Variants in CFAP47 observed in about 807,000 individuals in gnomAD.
The protein encoded by CFAP47 is cilia and flagella associated protein 47.
CFAP47 carries 29 observed loss-of-function variants against 148.1 expected under a neutral mutation model. That is an observed-to-expected ratio of 0.20 (90% confidence interval 0.15 to 0.27). CFAP47 has a LOEUF of 0.27. Ranked by LOEUF, CFAP47 falls within the 10% of genes least tolerant of loss-of-function variation. The probability of loss-of-function intolerance (pLI) is 1.00; values close to 1 mark genes in which losing one functional copy is unlikely to be tolerated. For synonymous variants in CFAP47, 664 were observed against 577.3 expected, an observed-to-expected ratio of 1.15 and a Z score of -2.15; for missense variants, 1,872 against 1,697.5, an observed-to-expected ratio of 1.10 and a Z score of -1.81.
intron 29 of CFAP47, among the ~76,000 whole-genome samples, chrX:36,073,926 T>A (rs1442450922): frequency 8.9e-6 from 1 of 112,076 alleles, no homozygotes; most frequent in Non-Finnish European, 1.9e-5. Flanking sequence ...GTTGTTGGTG[T>A]GATATGTTCT....
At chrX:36,149,562 A>G (rs1360651395) in intron 37 of CFAP47, among the ~76,000 whole-genome samples, 1 of 109,062 alleles carries the variant, frequency 9.2e-6, no homozygotes, top group Non-Finnish European at 1.9e-5. Flanking sequence ...GTATGTATGT[A>G]TATAATTTAA....
At chrX:36,003,125 A>G (rs930204627) in intron 21 of CFAP47, among the ~76,000 whole-genome samples, 1 of 110,374 alleles carries the variant, frequency 9.1e-6, no homozygotes, top group Non-Finnish European at 1.9e-5. Flanking sequence ...TTCCTTTTAT[A>G]GTTTATTGAG....
At chrX:36,246,682 A>G (rs1389319941) in intron 48 of CFAP47, among the ~76,000 whole-genome samples, 26 of 111,685 alleles carry the variant, frequency 2.3e-4, no homozygotes, top group Admixed American at 2.1e-3. Flanking sequence ...TATGGGGATT[A>G]CAATTGAAGA....
chrX:36,175,508 C>G (rs1027042756), intron 39 of CFAP47, among the ~76,000 whole-genome samples: 1 of 111,559 alleles, frequency 9.0e-6, no homozygotes, highest in African/African-American at 3.3e-5. Context: ...TGTTAGTTTT[C>G]CTTCTAACAG....
intron 36 of CFAP47, among the ~76,000 whole-genome samples, chrX:36,146,039 A>G (rs932861340): frequency 4.3e-4 from 48 of 111,521 alleles, no homozygotes; most frequent in Non-Finnish European, 8.5e-4. Flanking sequence ...AAAAAAAAAG[A>G]CATAAAACTC....
rs767206226 is a variant in CFAP47 at position 35,919,942 on chromosome X, A to G, written c.143A>G (p.Lys48Arg). Residue 48 changes from lysine (K) to arginine (R), a missense_variant, in exon 1 of 64, where the codon AAG becomes AGG. Transcript: ENST00000378653. ...CTGCGGGTGATCCCGGCTGAGGTGAAGTTCCTGGACACGATGGCCGGGAGG... is the reference window on the plus strand; with the variant it reads ...CTGCGGGTGATCCCGGCTGAGGTGAGGTTCCTGGACACGATGGCCGGGAGG... The part of the protein sequence containing the change: ...MQLRVIPAEV[K>R]FLDTMAGRVY... 4.1e-6 allele frequency: 5 copies of G among 1,208,896 alleles called. No homozygotes were observed. The East Asian group carries it at 1.2e-4, about 29-fold the overall frequency.
At position 36,085,314 on chromosome X, in the gene CFAP47, G is replaced by A. The variant is rs1041037829; in HGVS notation, c.4692G>A (p.Arg1564=). The part of the protein sequence containing the change: ...HSFSIPETIR[R]DVYKMQFYSS... ...TTAATTTTAAGTCTTTTTCTCATAG[G>A]GATGTATATAAAATGCAATTCTACT... Residue 1564 remains arginine, a splice_region_variant and synonymous_variant, in exon 30 of 64, where the codon AGG becomes AGA. Transcript: ENST00000378653. 7.0e-6 allele frequency: 8 copies of A among 1,146,569 alleles called. No homozygotes were observed. Among genetic ancestry groups the A allele is most frequent in the Non-Finnish European group, 8.3e-6 (7 of 840,278 alleles). 94.5% of individuals were successfully genotyped at this position (1,146,569 alleles called of 1,213,427 possible).
At chrX:36,264,617 A>C (rs1602078476) in intron 49 of CFAP47, among the ~76,000 whole-genome samples, 1 of 111,690 alleles carries the variant, frequency 9.0e-6, no homozygotes, top group Admixed American at 9.5e-5. Context: ...CACTGCCACC[A>C]TTACTGTGGG....
chrX:35,936,786 C>T (rs1452755253), intron 2 of CFAP47, among the ~76,000 whole-genome samples: 1 of 110,787 alleles, frequency 9.0e-6, no homozygotes, highest in Non-Finnish European at 1.9e-5. Context: ...GTTATCACTA[C>T]TGCTCCCACT....
intron 35 of CFAP47, 108 bp from the exon 36 acceptor site, chrX:36,145,111 A>C: frequency 3.4e-5 from 8 of 234,826 alleles, no homozygotes; most frequent in East Asian, 6.8e-5. Flanking sequence ...GTGTGTGTGT[A>C]TGTGTGTGTA....
chrX:35,951,286 G>A lies in CFAP47; in HGVS notation c.812G>A (p.Arg271His), dbSNP rs768810184. 67 of 1,208,300 alleles carry A rather than the reference G, an allele frequency of 5.5e-5. 1 individual carries two copies. The South Asian group carries it at 8.6e-4, about 16-fold the overall frequency. The change falls in exon 5 of 64, where the codon CGT becomes CAT. Residue 271 changes from arginine (R) to histidine (H), a missense_variant. Transcript: ENST00000378653. Reference sequence around the variant, plus strand: ...GGATCATCAAAAATTAAACATGCACGTGTATACAATAATAGCCCAGAGCCC... The same window carrying A: ...GGATCATCAAAAATTAAACATGCACATGTATACAATAATAGCCCAGAGCCC... ...FFGSSKIKHA[R>H]VYNNSPEPIN...
intron 26 of CFAP47, among the ~76,000 whole-genome samples, chrX:36,057,834 T>C (rs1937566518): frequency 9.0e-6 from 1 of 111,611 alleles, no homozygotes; most frequent in Non-Finnish European, 1.9e-5. Flanking sequence ...TCTATGTAAC[T>C]GTGAGAATCA....
intron 6 of CFAP47, among the ~76,000 whole-genome samples, chrX:35,953,366 C>T (rs755803534): frequency 5.4e-5 from 6 of 111,708 alleles, no homozygotes; most frequent in African/African-American, 9.7e-5. Context: ...CTTGTCTTGA[C>T]GATGTTGGCA....
At chrX:36,012,907 G>T (rs898660185) in intron 21 of CFAP47, among the ~76,000 whole-genome samples, 1 of 111,214 alleles carries the variant, frequency 9.0e-6, no homozygotes, top group Admixed American at 9.5e-5. Flanking sequence ...CTAGCCTCAA[G>T]ACAACTGCTG....
At chrX:36,276,001 TATA>T (rs1325580292) in intron 49 of CFAP47, among the ~76,000 whole-genome samples, 1 of 110,461 alleles carries the variant, frequency 9.1e-6, no homozygotes, top group African/African-American at 3.3e-5. Context: ...AATATTCTCT[TATA>T]ATCATTTTTA....
chrX:35,922,956 C>A (rs1196137461), intron 1 of CFAP47, among the ~76,000 whole-genome samples: 6 of 111,238 alleles, frequency 5.4e-5, no homozygotes, highest in Non-Finnish European at 1.1e-4. Context: ...TCTTCTCCAC[C>A]TTTAATATCC....
intron 49 of CFAP47, among the ~76,000 whole-genome samples, chrX:36,261,114 A>G (rs782783950): frequency 1.1e-5 from 1 of 93,615 alleles, no homozygotes; most frequent in South Asian, 4.8e-4. Flanking sequence ...TTAGCCTTGT[A>G]GTATAGTTTC....
chrX:36,335,143 A>G (rs782653785), intron 57 of CFAP47, among the ~76,000 whole-genome samples: 18 of 111,281 alleles, frequency 1.6e-4, no homozygotes, highest in Non-Finnish European at 3.0e-4. Flanking sequence ...TCTCAAAACA[A>G]AATAACTCTC....
intron 4 of CFAP47, 35 bp from the exon 5 acceptor site, chrX:35,951,096 A>C (rs201564960): frequency 1.0e-6 from 1 of 971,821 alleles, no homozygotes; most frequent in East Asian, 3.1e-5. Context: ...TCTAATTAAA[A>C]TATGTATGTA....
Sources: gnomAD v4.1 joint callset for allele counts (sites outside exome capture counted in the v4.1 genomes callset) on GRCh38, gnomAD v4.1.1 for gene constraint, MANE v1.5 for transcripts, NCBI Gene and HGNC (gene_info 2026-07-23, HGNC 2026-07-21) for gene names.